EYS: variants seen among roughly 807,000 people sequenced by gnomAD.
EYS encodes EGF-like photoreceptor maintenance factor.
In EYS, 250 loss-of-function variants were observed where a neutral mutation model predicts 282.1. That is an observed-to-expected ratio of 0.89 (90% CI 0.80 to 0.98). The LOEUF (loss-of-function observed/expected upper bound fraction) is 0.98, where lower values mean the gene tolerates loss of function less well. Ranked by LOEUF, EYS falls within the 50% of genes least tolerant of loss-of-function variation. The probability of loss-of-function intolerance (pLI) is 0.00; values close to 1 mark genes in which losing one functional copy is unlikely to be tolerated. For synonymous variants in EYS, 1,355 were observed against 1,282.9 expected, an observed-to-expected ratio of 1.06 and a Z score of -1.20; for missense variants, 4,016 against 3,709.0, an observed-to-expected ratio of 1.08 and a Z score of -2.15.
intron 22 of EYS, among the ~76,000 whole-genome samples, chr6:64,726,748 G>A (rs373064692): frequency 6.6e-6 from 1 of 152,260 alleles, no homozygotes; most frequent in East Asian, 1.9e-4. Flanking sequence ...ATAGAAGGAT[G>A]TGCAAGAAAA....
rs1239356796 is a variant in EYS, at chr6:64,297,243, ATTG to A, written c.6191+9724_6191+9726del. Among the ~76,000 whole-genome samples, 6 of 149,660 alleles carry A rather than the reference ATTG, an allele frequency of 4.0e-5. No homozygotes were observed. The East Asian group carries it at 9.9e-4, about 25-fold the overall frequency. Reference sequence around the variant, plus strand: ...GTGGTCATTGTCACACTTCCCCCCCATTGTTGTTACTCCCCACCACCTTGAACT... The same window carrying A: ...GTGGTCATTGTCACACTTCCCCCCCATTGTTACTCCCCACCACCTTGAACT... On this transcript the variant is annotated intron_variant, in intron 30 of 42. Transcript: ENST00000503581.
chr6:64,139,886 T>TG (rs1334400574), intron 31 of EYS, among the ~76,000 whole-genome samples: 1 of 151,830 alleles, frequency 6.6e-6, no homozygotes, highest in Non-Finnish European at 1.5e-5. Context: ...GAGAATTGCT[T>TG]GAACCTGGGA....
chr6:64,742,223 C>T (rs1305097292), intron 22 of EYS, among the ~76,000 whole-genome samples: 1 of 152,020 alleles, frequency 6.6e-6, no homozygotes, highest in Non-Finnish European at 1.5e-5. Context: ...GAGGAGAGAG[C>T]TAAAGAAGAG....
intron 12 of EYS, among the ~76,000 whole-genome samples, chr6:65,215,129 A>G (rs188292461): frequency 6.6e-6 from 1 of 152,148 alleles, no homozygotes; most frequent in Admixed American, 6.5e-5. Flanking sequence ...ATAACTTTCA[A>G]TATTATTAAG....
intron 22 of EYS, among the ~76,000 whole-genome samples, chr6:64,792,173 A>C (rs1774211856): frequency 1.3e-5 from 2 of 151,782 alleles, no homozygotes; most frequent in African/African-American, 2.4e-5. Context: ...GGTGGATATA[A>C]CTTGGCTCCA....
chr6:64,937,784 T>C (rs1405353998), intron 15 of EYS, among the ~76,000 whole-genome samples: 1 of 151,670 alleles, frequency 6.6e-6, no homozygotes, highest in African/African-American at 2.4e-5. Flanking sequence ...ACTCTAGTTT[T>C]ATATGAAAAA....
rs73741250 is a variant in EYS at position 65,189,579 on chromosome 6, G to A, written c.2023+106284C>T. 4.1e-3 allele frequency among the ~76,000 whole-genome samples: 621 copies of A among 151,844 alleles called. 8 individuals carry two copies. The highest frequency in any genetic ancestry group is 0.013 in the African/African-American group (554 of 41,500). ...AGCATAAATAAAATTTATTAATTAT[G>A]TCTCAGTGATTGGACCTTTTCTTTT... On this transcript the variant is annotated intron_variant, in intron 12 of 42. Coordinates refer to ENST00000503581, the MANE Select transcript of EYS (RefSeq NM_001142800.2).
chr6:65,090,332 G>A (rs1313087609), intron 12 of EYS, among the ~76,000 whole-genome samples: 1 of 152,086 alleles, frequency 6.6e-6, no homozygotes, highest in Non-Finnish European at 1.5e-5. Context: ...TGTGAAGAAG[G>A]TGCCTTGCTT....
At chr6:64,338,957 A>T (rs532637549) in intron 29 of EYS, among the ~76,000 whole-genome samples, 1 of 101,520 alleles carries the variant, frequency 9.9e-6, no homozygotes, top group South Asian at 3.4e-4. Context: ...CTGGATCCTC[A>T]TCTCCCACAT....
At chr6:64,520,482 C>G (rs538424817) in intron 26 of EYS, among the ~76,000 whole-genome samples, 1 of 151,708 alleles carries the variant, frequency 6.6e-6, no homozygotes, top group East Asian at 1.9e-4. Flanking sequence ...CTGTAGGGGG[C>G]CTGAGCTACA....
chr6:64,219,363 C>G (rs1016602905), intron 31 of EYS, among the ~76,000 whole-genome samples: 2 of 152,152 alleles, frequency 1.3e-5, no homozygotes, highest in Non-Finnish European at 2.9e-5. Flanking sequence ...GTAGAGAAAT[C>G]TGATAGAACA....
At chr6:64,268,461 T>C (rs138683466) in intron 30 of EYS, among the ~76,000 whole-genome samples, 2,379 of 152,126 alleles carry the variant, frequency 0.016, 20 homozygotes, top group South Asian at 0.034. Flanking sequence ...ATGATTTACA[T>C]AATAATGAAA....
chr6:65,633,272 G>GT (rs1431483336), intron 2 of EYS, among the ~76,000 whole-genome samples: 1 of 152,032 alleles, frequency 6.6e-6, no homozygotes, highest in Non-Finnish European at 1.5e-5. Context: ...GGCTACAATG[G>GT]TAACACTTTA....
At chr6:64,425,665 A>G (rs1047499096) in intron 28 of EYS, among the ~76,000 whole-genome samples, 40 of 151,406 alleles carry the variant, frequency 2.6e-4, no homozygotes, top group Non-Finnish European at 5.0e-4. Flanking sequence ...AGGAAAAAAA[A>G]AAAAAAAAAA....
chr6:65,293,839 C>T (rs576334015), intron 12 of EYS, among the ~76,000 whole-genome samples: 4 of 151,676 alleles, frequency 2.6e-5, no homozygotes, highest in Admixed American at 6.6e-5. Context: ...GAAATTTGAC[C>T]GTAAGGCTAA....
chr6:64,895,315 G>T (rs562490168), intron 18 of EYS, among the ~76,000 whole-genome samples: 18 of 152,262 alleles, frequency 1.2e-4, no homozygotes, highest in Admixed American at 1.1e-3. Context: ...ATTATTTTGT[G>T]TTCTAATTAG....
chr6:65,254,524 A>T (rs1183618871), intron 12 of EYS, among the ~76,000 whole-genome samples: 1 of 151,920 alleles, frequency 6.6e-6, no homozygotes, highest in Non-Finnish European at 1.5e-5. Flanking sequence ...ATTTCAGTAC[A>T]ATAAAAAATT....
chr6:64,051,471 C>T (rs191225458), intron 33 of EYS, among the ~76,000 whole-genome samples: 19 of 152,094 alleles, frequency 1.2e-4, no homozygotes, highest in East Asian at 1.9e-4. Flanking sequence ...CAATGTAGAA[C>T]GGAATAGGAT....
intron 19 of EYS, among the ~76,000 whole-genome samples, chr6:64,826,689 T>C (rs991142781): frequency 1.3e-4 from 16 of 122,808 alleles, no homozygotes; most frequent in Admixed American, 1.6e-4. Context: ...TATGTATATA[T>C]ATATATATAT....
Sources: allele counts gnomAD v4.1 joint callset (sites outside exome capture counted in the v4.1 genomes callset), GRCh38; gene constraint gnomAD v4.1.1; transcripts MANE v1.5; gene names NCBI Gene and HGNC (gene_info 2026-07-23, HGNC 2026-07-21).